Variants in SUGP1 observed in about 807,000 individuals in gnomAD.
The protein encoded by SUGP1 is SURP and G-patch domain-containing protein 1.
SUGP1 carries 34 observed loss-of-function variants against 76.5 expected under a neutral mutation model. That is an observed-to-expected ratio of 0.44 (90% confidence interval 0.34 to 0.59). The LOEUF is 0.59. Among genes scored for constraint, SUGP1 ranks in the 20% least tolerant of loss-of-function variants. The pLI is 0.01. For missense variants in SUGP1, 752 were observed against 851.7 expected, an observed-to-expected ratio of 0.88 and a Z score of 1.46; for synonymous variants, 326 against 326.2, an observed-to-expected ratio of 1.00 and a Z score of 0.01.
At chr19:19,292,810 C>T (rs904554949) in intron 8 of SUGP1, among the ~76,000 whole-genome samples, 33 of 152,260 alleles carry the variant, frequency 2.2e-4, no homozygotes, top group African/African-American at 7.9e-4. Context: ...GATTTATCCC[C>T]GCAATGCAAG....
intron 2 of SUGP1, among the ~76,000 whole-genome samples, chr19:19,313,612 G>A (rs1390720019): frequency 8.5e-5 from 13 of 152,178 alleles, no homozygotes; most frequent in Non-Finnish European, 5.9e-5. Context: ...AAGAGGCTGA[G>A]GTGGGAAGAT....
intron 1 of SUGP1, among the ~76,000 whole-genome samples, chr19:19,318,008 G>A (rs550149158): frequency 4.7e-4 from 71 of 149,650 alleles, no homozygotes; most frequent in African/African-American, 1.7e-3. Flanking sequence ...TTAGGATTTC[G>A]CCATGTTGTC....
chr19:19,280,419 C>T (rs1599844536), intron 8 of SUGP1, 128 bp from the exon 9 acceptor site: 1 of 807,668 alleles, frequency 1.2e-6, no homozygotes, highest in Admixed American at 2.2e-5. Context: ...CATATCATTA[C>T]TGTCAGTGCC....
chr19:19,297,047 C>T lies in SUGP1; in HGVS notation c.1185G>A (p.Glu395=). ...SRWGPEEDKV[E]LPPAELVQRD... ...TCTGCACCAGTTCAGCAGGTGGGAG[C>T]TCTACCTTATCCTCTTCAGGCCCCC... Residue 395 remains glutamate (E), a synonymous_variant, in exon 8 of 14, where the codon GAG becomes GAA. Coordinates refer to ENST00000247001, the MANE Select transcript of SUGP1 (RefSeq NM_172231.4). The T allele has an allele frequency of 1.2e-6, 2 of 1,609,868 alleles. No homozygotes were observed. Among genetic ancestry groups the T allele is most frequent in the Non-Finnish European group, 1.7e-6 (2 of 1,177,824 alleles).
In SUGP1 at chr19:19,278,762, G is replaced by A; in HGVS notation, c.1563C>T (p.Gly521=). Residue 521 remains glycine (G), a synonymous_variant, in exon 11 of 14, where the codon GGC becomes GGT. Coordinates refer to ENST00000247001, the MANE Select transcript of SUGP1 (RefSeq NM_172231.4). ...WAEQLTKMGR[G]KHFIGDFLPP... ...GCAGGAAGTCTCCGATGAAGTGCTT[G>A]CCCCGGCCCATCTTTGTCAGCTGCT... 6.2e-7 allele frequency: 1 copy of A among 1,614,006 alleles called. No individual in the cohort carries two copies. The highest frequency in any genetic ancestry group is 8.5e-7 in the Non-Finnish European group (1 of 1,179,978).
intron 5 of SUGP1, 110 bp from the exon 6 acceptor site, chr19:19,303,558 A>T: frequency 7.4e-7 from 1 of 1,346,790 alleles, no homozygotes; most frequent in Non-Finnish European, 1.1e-6. Flanking sequence ...CAGGGACCCG[A>T]AAGCAAGTCT....
chr19:19,289,400 G>A (rs2061164919), intron 8 of SUGP1, among the ~76,000 whole-genome samples: 1 of 151,812 alleles, frequency 6.6e-6, no homozygotes, highest in East Asian at 2.0e-4. Context: ...TCAGGAGTTT[G>A]AGACCAGCCT....
At chr19:19,316,670 G>C in intron 1 of SUGP1, 77 bp from the exon 2 acceptor site, 1 of 1,489,678 alleles carries the variant, frequency 6.7e-7, no homozygotes, top group Middle Eastern at 1.8e-4. Flanking sequence ...AGGCCAGAGA[G>C]CAACTGATGT....
intron 8 of SUGP1, among the ~76,000 whole-genome samples, chr19:19,290,237 T>C (rs563132084): frequency 1.3e-5 from 2 of 152,264 alleles, no homozygotes; most frequent in South Asian, 4.1e-4. Flanking sequence ...TGAAAGTTCT[T>C]GCGGGCAAGG....
chr19:19,284,729 C>G (rs1289145784), intron 8 of SUGP1, among the ~76,000 whole-genome samples: 1 of 152,112 alleles, frequency 6.6e-6, no homozygotes, highest in African/African-American at 2.4e-5. Flanking sequence ...GATGGTTTGA[C>G]AGGTTTAGAA....
intron 8 of SUGP1, among the ~76,000 whole-genome samples, chr19:19,281,991 T>C (rs994382021): frequency 3.9e-5 from 6 of 152,128 alleles, no homozygotes; most frequent in African/African-American, 7.2e-5. Context: ...TTTCTTTCAT[T>C]TTTCCCGAGA....
chr19:19,300,076 C>T (rs1019134965), intron 7 of SUGP1, among the ~76,000 whole-genome samples: 9 of 150,966 alleles, frequency 6.0e-5, no homozygotes, highest in Non-Finnish European at 1.0e-4. Flanking sequence ...CCAAGCCCAG[C>T]CTCATTTTTT....
intron 8 of SUGP1, among the ~76,000 whole-genome samples, chr19:19,291,934 A>ACACACACACAC (rs1555788756): frequency 1.0e-4 from 10 of 98,014 alleles, no homozygotes; most frequent in East Asian, 6.6e-4. Context: ...CACACACACA[A>ACACACACACAC]AAGGGCCAAG....
rs999044182 is a variant in SUGP1 at position 19,296,795 on chromosome 19, C to T, written c.1243+194G>A. Among the ~76,000 whole-genome samples, 43 of 152,168 alleles carry T rather than the reference C, an allele frequency of 2.8e-4. 1 individual carries two copies. Among genetic ancestry groups the T allele is most frequent in the African/African-American group, 5.3e-4 (22 of 41,446 alleles). Reference sequence around the variant, plus strand: ...CACAACAGCCAAGCAGTGTAAACAACCTCTGTGAATATAAGAGTTCATTCA... The same window carrying T: ...CACAACAGCCAAGCAGTGTAAACAATCTCTGTGAATATAAGAGTTCATTCA... On this transcript the variant is annotated intron_variant, in intron 8 of 13. Transcript: ENST00000247001.
intron 3 of SUGP1, among the ~76,000 whole-genome samples, chr19:19,308,577 C>T (rs932631351): frequency 3.9e-5 from 6 of 152,366 alleles, no homozygotes; most frequent in South Asian, 4.1e-4. Flanking sequence ...CGTGCCCACC[C>T]GGCACCTCAG....
Position 19,316,468 on chromosome 19 carries a change from C to A in SUGP1, c.160G>T (p.Ala54Ser). Residue 54 changes from alanine (A) to serine (S), a missense_variant, in exon 2 of 14, where the codon GCC (alanine) becomes TCC (serine). By Grantham distance (99) the Ala-to-Ser change is moderately conservative. Around this residue, in one of 2 missense-constraint regions of SUGP1, gnomAD observed 620 missense variants for 617.3 expected, o/e 1.00. Transcript: ENST00000247001. The part of the protein sequence containing the change: ...REIEAKMEQK[A>S]KQNQVASPQP... ...GGGCTGGCCACCTGATTCTGCTTGG[C>A]TTTCTGTTCCATTTTGGCTTCAATT... 6.2e-7 allele frequency: 1 copy of A among 1,613,932 alleles called. No homozygotes were observed. The highest frequency in any genetic ancestry group is 8.5e-7 in the Non-Finnish European group (1 of 1,180,006).
intron 3 of SUGP1, among the ~76,000 whole-genome samples, chr19:19,307,601 C>T (rs941119744): frequency 2.0e-5 from 3 of 152,076 alleles, no homozygotes; most frequent in African/African-American, 4.8e-5. Context: ...CACAATTTCT[C>T]GACAGTTACT....
intron 8 of SUGP1, among the ~76,000 whole-genome samples, chr19:19,289,645 G>A (rs1179533862): frequency 6.6e-6 from 1 of 152,160 alleles, no homozygotes; most frequent in Non-Finnish European, 1.5e-5. Context: ...CTACTCGGGA[G>A]ACTGAGGCAG....
chr19:19,307,443 A>C (rs1286647143), intron 3 of SUGP1, among the ~76,000 whole-genome samples: 1 of 152,094 alleles, frequency 6.6e-6, no homozygotes, highest in Non-Finnish European at 1.5e-5. Context: ...ATTTAGTTGG[A>C]CCATCTAGAC....
Sources: gnomAD v4.1 joint callset for allele counts (sites outside exome capture counted in the v4.1 genomes callset) on GRCh38, gnomAD v4.1.1 for gene constraint, gnomAD v4.1.1 regional missense constraint, MANE v1.5 for transcripts, NCBI Gene and HGNC (gene_info 2026-07-23, HGNC 2026-07-21) for gene names.